KCNN2: variants seen among roughly 807,000 people sequenced by gnomAD.
KCNN2 encodes potassium calcium-activated channel subfamily N member 2, also known as small conductance calcium-activated potassium channel protein 2.
Under a neutral mutation model 55.5 loss-of-function variants are expected in KCNN2, and 24 were observed. That is an observed-to-expected ratio of 0.43 (90% CI 0.31 to 0.61). The LOEUF is 0.61. KCNN2 is among the 20% of genes least tolerant of loss of function. The probability of loss-of-function intolerance (pLI) is 0.08; values close to 1 mark genes in which losing one functional copy is unlikely to be tolerated. For missense variants in KCNN2, 754 were observed against 853.6 expected, an observed-to-expected ratio of 0.88 and a Z score of 1.45; for synonymous variants, 431 against 336.1, an observed-to-expected ratio of 1.28 and a Z score of -3.09.
chr5:114,465,726 A>G (rs13188074), intron 4 of KCNN2, among the ~76,000 whole-genome samples: 81,969 of 152,056 alleles, frequency 0.54, 22,676 homozygotes, highest in Middle Eastern at 0.61. Context: ...GCTTATGGTA[A>G]AAGAGTCCCT....
chr5:114,178,890 A>C (rs2112551013), intron 1 of KCNN2, among the ~76,000 whole-genome samples: 1 of 152,338 alleles, frequency 6.6e-6, no homozygotes, highest in African/African-American at 2.4e-5. Context: ...CAAGTAAATT[A>C]GCTTTCCTGT....
At chr5:114,155,902 A>AT (rs1215075009) in intron 1 of KCNN2, among the ~76,000 whole-genome samples, 1 of 151,980 alleles carries the variant, frequency 6.6e-6, no homozygotes, top group Non-Finnish European at 1.5e-5. Context: ...CTGTTTGTCA[A>AT]TTTTTGCTTT....
At chr5:114,234,188 A>G (rs990762144) in intron 2 of KCNN2, among the ~76,000 whole-genome samples, 1 of 152,130 alleles carries the variant, frequency 6.6e-6, no homozygotes, top group African/African-American at 2.4e-5. Context: ...ATCCTACTCT[A>G]GATTATTTTC....
At chr5:114,289,621 C>T (rs1755841396) in intron 2 of KCNN2, among the ~76,000 whole-genome samples, 1 of 152,068 alleles carries the variant, frequency 6.6e-6, no homozygotes, top group African/African-American at 2.4e-5. Flanking sequence ...AAGTGATCTG[C>T]CCGCCTTGGC....
intron 2 of KCNN2, among the ~76,000 whole-genome samples, chr5:114,341,338 T>C (rs944326231): frequency 6.6e-6 from 1 of 152,196 alleles, no homozygotes; most frequent in Non-Finnish European, 1.5e-5. Context: ...GGAGTTCAGT[T>C]CTGGAAGTAA....
intron 1 of KCNN2, among the ~76,000 whole-genome samples, chr5:114,214,546 A>G (rs937875428): frequency 6.6e-6 from 1 of 152,036 alleles, no homozygotes; most frequent in East Asian, 1.9e-4. Context: ...GACTAAGAGG[A>G]AAAAGTTGAC....
chr5:114,242,046 A>C (rs1183627033), intron 2 of KCNN2, among the ~76,000 whole-genome samples: 1 of 151,362 alleles, frequency 6.6e-6, no homozygotes, highest in Non-Finnish European at 1.5e-5. Flanking sequence ...CCCAGTTCCC[A>C]CACGGTGAAA....
chr5:114,193,255 C>T (rs1481656732), intron 1 of KCNN2, among the ~76,000 whole-genome samples: 1 of 152,030 alleles, frequency 6.6e-6, no homozygotes. Context: ...CTTTTGATTT[C>T]CTGGATGGGG....
At chr5:114,398,009 C>T (rs1166727502) in intron 2 of KCNN2, among the ~76,000 whole-genome samples, 4 of 152,108 alleles carry the variant, frequency 2.6e-5, no homozygotes, top group Admixed American at 2.6e-4. Flanking sequence ...GTTTCCTTTG[C>T]TCTGCAGAAA....
chr5:114,366,029 AGAGCT>A (rs1757589985), intron 2 of KCNN2, among the ~76,000 whole-genome samples: 1 of 152,234 alleles, frequency 6.6e-6, no homozygotes, highest in Admixed American at 6.5e-5. Context: ...TAGGAGTCTA[AGAGCT>A]ACCAAATGTT....
At chr5:114,390,009 A>G (rs1008353518) in intron 2 of KCNN2, among the ~76,000 whole-genome samples, 6 of 152,128 alleles carry the variant, frequency 3.9e-5, no homozygotes, top group Admixed American at 2.6e-4. Flanking sequence ...AATTCTTTCA[A>G]TTGCCTGTGC....
chr5:114,137,274 A>G (rs1023667992), intron 1 of KCNN2, among the ~76,000 whole-genome samples: 2 of 152,178 alleles, frequency 1.3e-5, no homozygotes, highest in Non-Finnish European at 2.9e-5. Context: ...AAAAAATAAT[A>G]GTCAACCCAT....
At chr5:114,172,058 G>A (rs77457321) in intron 1 of KCNN2, among the ~76,000 whole-genome samples, 2,723 of 151,946 alleles carry the variant, frequency 0.018, 77 homozygotes, top group African/African-American at 0.061. Flanking sequence ...TTCTAAGCTT[G>A]ACCAAGGGAA....
At chr5:114,423,400 G>C (rs111699775) in intron 3 of KCNN2, among the ~76,000 whole-genome samples, 1 of 152,050 alleles carries the variant, frequency 6.6e-6, no homozygotes, top group African/African-American at 2.4e-5. Flanking sequence ...AAATAAAGAG[G>C]CTAATCAAAA....
intron 2 of KCNN2, among the ~76,000 whole-genome samples, chr5:114,290,681 G>A (rs1755868063): frequency 6.6e-6 from 1 of 151,956 alleles, no homozygotes; most frequent in African/African-American, 2.4e-5. Context: ...TTATTGATTT[G>A]TGATGTTGAA....
At chr5:114,239,367 G>C (rs1464423013) in intron 2 of KCNN2, among the ~76,000 whole-genome samples, 2 of 151,836 alleles carry the variant, frequency 1.3e-5, no homozygotes, top group African/African-American at 4.8e-5. Flanking sequence ...AGGACAGAGA[G>C]GAGATGCTTA....
intron 1 of KCNN2, among the ~76,000 whole-genome samples, chr5:114,159,837 A>G (rs1484389404): frequency 6.6e-6 from 1 of 151,988 alleles, no homozygotes; most frequent in Non-Finnish European, 1.5e-5. Flanking sequence ...TTTCTGTGAG[A>G]TCGGTGGTGA....
rs554652172 is a variant in KCNN2 at position 114,388,423 on chromosome 5, A to G, written c.1219-16015A>G. Reference sequence around the variant, plus strand: ...AATTTCTGTTTTTCTGTACAGTGTAACAATCTTTGGAGGCCTTCATTCTGA... The same window carrying G: ...AATTTCTGTTTTTCTGTACAGTGTAGCAATCTTTGGAGGCCTTCATTCTGA... On this transcript the variant is annotated intron_variant, in intron 2 of 7. Transcript: ENST00000673685. 2.0e-5 allele frequency among the ~76,000 whole-genome samples: 3 copies of G among 152,154 alleles called. No homozygotes were observed. In the South Asian group the frequency reaches 6.2e-4, roughly 32 times the overall value.
In KCNN2 at chr5:114,209,848, AC is replaced by A. The variant is rs542963063; in HGVS notation, c.-270-11631del. Among the ~76,000 whole-genome samples the A allele has an allele frequency of 1.2e-4, 19 of 152,292 alleles. No individual in the cohort carries two copies. In the East Asian group the frequency reaches 3.7e-3, roughly 29 times the overall value. ...TGATCTCATGTGGACTCATTCTCTA[AC>A]TTAAATACATTCATTCCTCATTATT... On this transcript the variant is annotated intron_variant, in intron 1 of 10. Transcript: ENST00000512097.
Sources: allele counts gnomAD v4.1 joint callset (sites outside exome capture counted in the v4.1 genomes callset), GRCh38; gene constraint gnomAD v4.1.1; transcripts MANE v1.5; gene names NCBI Gene and HGNC (gene_info 2026-07-23, HGNC 2026-07-21).